PRKCH: variants seen among roughly 807,000 people sequenced by gnomAD.
PRKCH encodes the protein protein kinase C eta, also known as protein kinase C eta type.
A neutral mutation model predicts 82.5 loss-of-function variants in PRKCH; 28 were observed. The ratio of observed to expected loss-of-function variants is 0.34; its 90% CI spans 0.25 to 0.47. PRKCH has a LOEUF of 0.47. Ranked by LOEUF, PRKCH falls within the 20% of genes least tolerant of loss-of-function variation. The pLI, the probability that PRKCH is intolerant of heterozygous loss-of-function variation, is 1.00. For synonymous variants in PRKCH, 322 were observed against 327.4 expected (o/e 0.98, Z 0.18); for missense variants, 705 against 881.8 (o/e 0.80, Z 2.54).
intron 2 of PRKCH, among the ~76,000 whole-genome samples, chr14:61,409,578 G>A (rs1882153633): frequency 6.6e-6 from 1 of 151,732 alleles, no homozygotes; most frequent in African/African-American, 2.4e-5. Context: ...GTGTGCACCT[G>A]TATTCCCAGT....
At chr14:61,359,786 A>C (rs2046199084) in intron 1 of PRKCH, among the ~76,000 whole-genome samples, 1 of 152,260 alleles carries the variant, frequency 6.6e-6, no homozygotes, top group African/African-American at 2.4e-5. Context: ...ATTGAATTAA[A>C]ATAAAATGAA....
chr14:61,477,168 A>G (rs4899050), intron 9 of PRKCH: 34,372 of 152,196 alleles, frequency 0.23, 4,141 homozygotes, highest in South Asian at 0.42. Flanking sequence ...CCAGCCGTCA[A>G]TAGCACTCTG....
chr14:61,536,826 C>T (rs939196433), intron 12 of PRKCH, among the ~76,000 whole-genome samples: 1 of 152,138 alleles, frequency 6.6e-6, no homozygotes, highest in Non-Finnish European at 1.5e-5. Context: ...ACTGTCCCCA[C>T]AGGCCCTCCC....
chr14:61,515,357 C>T (rs1463687269), intron 10 of PRKCH, among the ~76,000 whole-genome samples: 2 of 152,168 alleles, frequency 1.3e-5, no homozygotes, highest in East Asian at 1.9e-4. Context: ...AGTGACTTCC[C>T]TTATCCTCGT....
Position 61,280,662 on chromosome 14 carries a change from G to A in PRKCH, c.-19+92994G>A. On this transcript the variant is annotated intron_variant, in intron 1 of 3. Transcript: ENST00000555185. This position sits in a 1 kb window ranked among gnomAD's most constrained non-coding sequence, Gnocchi z 5.0. ...TGAAGAGGCTGTTGGCGATGGCGCC[G>A]CAGGGCGCGATGGGCAGGCCGGCCG... 1.3e-6 allele frequency: 2 copies of A among 1,571,132 alleles called. No individual in the cohort carries two copies. The highest frequency in any genetic ancestry group is 8.6e-7 in the Non-Finnish European group (1 of 1,159,620).
At chr14:61,368,825 A>G (rs1241500499) in intron 1 of PRKCH, among the ~76,000 whole-genome samples, 1 of 152,134 alleles carries the variant, frequency 6.6e-6, no homozygotes, top group Non-Finnish European at 1.5e-5. Context: ...ACATTTAATT[A>G]TAGGCACTCA....
upstream of PRKCH, among the ~76,000 whole-genome samples, chr14:61,320,666 T>C (rs4902045): frequency 0.36 from 54,077 of 151,896 alleles, 11,357 homozygotes; most frequent in African/African-American, 0.59. Flanking sequence ...TGGTTGTGGC[T>C]GGCCCTCAGG....
At chr14:61,421,452 C>T (rs1882829121) in intron 2 of PRKCH, among the ~76,000 whole-genome samples, 1 of 152,140 alleles carries the variant, frequency 6.6e-6, no homozygotes, top group Non-Finnish European at 1.5e-5. Flanking sequence ...TTGGCCTTAT[C>T]TTGAGAGAAT....
Position 61,333,359 on chromosome 14 carries a change from A to C in PRKCH, c.363+10895A>C, listed in dbSNP as rs1372604745. 3.3e-5 allele frequency among the ~76,000 whole-genome samples: 5 copies of C among 152,342 alleles called. No individual in the cohort carries two copies. The East Asian group carries it at 9.6e-4, about 29-fold the overall frequency. On this transcript the variant is annotated intron_variant, in intron 1 of 13. Transcript: ENST00000332981. ...CTCCTAAAGCCTTTCCTAAACCTTA[A>C]GGACACAGGACCTCAGGTTGAGAAA...
At chr14:61,325,997 T>C (rs890957624) in intron 1 of PRKCH, among the ~76,000 whole-genome samples, 1 of 152,224 alleles carries the variant, frequency 6.6e-6, no homozygotes. Flanking sequence ...GGAACTCTCA[T>C]ATGCTATGGT....
intron 2 of PRKCH, among the ~76,000 whole-genome samples, chr14:61,428,048 TAG>T (rs1373514984): frequency 2.8e-5 from 2 of 71,952 alleles, no homozygotes; most frequent in African/African-American, 9.3e-5. Flanking sequence ...TATATATAGA[TAG>T]ATAGATAGAT....
chr14:61,279,109 G>GCT (rs2045232187), intron 1 of PRKCH: 1 of 151,920 alleles, frequency 6.6e-6, no homozygotes, highest in African/African-American at 2.4e-5. Flanking sequence ...CTACGTTAAA[G>GCT]CATTTCCTCT....
chr14:61,517,289 TG>T (rs1194765651), intron 10 of PRKCH, among the ~76,000 whole-genome samples: 2 of 151,698 alleles, frequency 1.3e-5, no homozygotes, highest in Non-Finnish European at 2.9e-5. Context: ...AGCAAATGGC[TG>T]CAACTTTCAC....
intron 1 of PRKCH, among the ~76,000 whole-genome samples, chr14:61,192,418 T>C (rs1404873417): frequency 6.6e-6 from 1 of 152,218 alleles, no homozygotes; most frequent in African/African-American, 2.4e-5. Flanking sequence ...TTAGAGATGG[T>C]GTAGGTAAAT....
At chr14:61,262,861 A>G (rs1471609593) in intron 1 of PRKCH, among the ~76,000 whole-genome samples, 3 of 152,210 alleles carry the variant, frequency 2.0e-5, no homozygotes, top group Non-Finnish European at 4.4e-5. Context: ...GTATGTAGAA[A>G]TACCCAGCCA....
chr14:61,195,759 A>G lies in PRKCH; in HGVS notation c.-19+8091A>G, dbSNP rs569751903. Among the ~76,000 whole-genome samples the G allele has an allele frequency of 2.8e-4, 42 of 152,274 alleles. No homozygotes were observed. The South Asian group carries it at 3.1e-3, about 11-fold the overall frequency. On this transcript the variant is annotated intron_variant, in intron 1 of 3. Coordinates refer to the PRKCH transcript ENST00000555185. ...GCTTGTAGATGGCCACCTTCTTACT[A>G]TGTTGTCACATGGACTTCCCTCAGT...
intron 1 of PRKCH, among the ~76,000 whole-genome samples, chr14:61,370,456 A>C (rs1311882728): frequency 1.3e-5 from 2 of 152,062 alleles, no homozygotes; most frequent in African/African-American, 4.8e-5. Context: ...TAAGTGTATC[A>C]GGAAATTCTG....
intron 1 of PRKCH, among the ~76,000 whole-genome samples, chr14:61,203,187 A>C (rs759233098): frequency 6.6e-6 from 1 of 152,116 alleles, no homozygotes; most frequent in Non-Finnish European, 1.5e-5. Context: ...CAAGCACCTC[A>C]TATCCTGCCA....
intron 1 of PRKCH, chr14:61,279,857 A>G: frequency 1.9e-6 from 1 of 535,466 alleles, no homozygotes; most frequent in Non-Finnish European, 3.3e-6. Flanking sequence ...GTCGTGAAGG[A>G]GGTGGGAAGA....
Sources: allele counts gnomAD v4.1 joint callset (sites outside exome capture counted in the v4.1 genomes callset), GRCh38; gene constraint gnomAD v4.1.1; non-coding constraint Gnocchi (gnomAD v3.1); transcripts MANE v1.5; gene names NCBI Gene and HGNC (gene_info 2026-07-23, HGNC 2026-07-21).